The following KCTD14 variants were observed in gnomAD, a reference collection of about 807,000 sequenced individuals.
KCTD14 encodes the protein BTB/POZ domain-containing protein KCTD14.
KCTD14 carries 7 observed loss-of-function variants against 5.9 expected under a neutral mutation model. The observed-to-expected ratio is 1.19, with a 90% CI of 0.68 to 2.23. KCTD14 has a LOEUF of 2.23. Among genes scored for constraint, KCTD14 ranks in the 30% most tolerant of loss-of-function variants. The pLI is 0.00. For missense variants in KCTD14, 342 were observed against 332.2 expected (o/e 1.03, Z -0.23); for synonymous variants, 140 against 133.1 (o/e 1.05, Z -0.36).
In KCTD14 at chr11:78,016,405, C is replaced by A; in HGVS notation, c.*188G>T. ...AAGGAAGTAGCTGCAAGTTGCTAGG[C>A]AAATATAGTGGCATCAGTTGCAATG... On this transcript the variant is annotated 3_prime_UTR_variant, in exon 2 of 2. Transcript: ENST00000353172. The A allele has an allele frequency of 1.3e-5, 8 of 601,982 alleles. No individual in the cohort carries two copies. In the South Asian group the frequency reaches 1.7e-4, roughly 13 times the overall value. The allele number at this position is 601,982 out of a possible 1,614,324, so 37.3% of individuals were successfully genotyped here. A position where few individuals can be genotyped will look rare whatever the true frequency, so the allele number is the denominator to read the frequency against.
exon 2 of KCTD14, chr11:78,038,755 C>G: frequency 6.5e-7 from 1 of 1,535,676 alleles, no homozygotes; most frequent in Non-Finnish European, 8.7e-7. Flanking sequence ...GCCAATGTCA[C>G]CCCCTGAAAC....
intron 1 of KCTD14, among the ~76,000 whole-genome samples, chr11:78,039,938 A>G (rs1228428040): frequency 6.6e-6 from 1 of 151,778 alleles, no homozygotes; most frequent in Non-Finnish European, 1.5e-5. Flanking sequence ...CTCTTTCTCT[A>G]CTATAATAGT....
At chr11:78,035,478 T>C (rs1857762388) in intron 2 of KCTD14, among the ~76,000 whole-genome samples, 1 of 152,078 alleles carries the variant, frequency 6.6e-6, no homozygotes, top group South Asian at 2.1e-4. Flanking sequence ...CCTCACCCTG[T>C]TACTAACCCT....
chr11:78,019,651 T>C (rs895460952), intron 1 of KCTD14, among the ~76,000 whole-genome samples: 8 of 152,194 alleles, frequency 5.3e-5, no homozygotes, highest in African/African-American at 1.9e-4. Flanking sequence ...TTTTTCAAAA[T>C]ATAGGCCCAT....
chr11:78,026,403 A>G (rs1159925282), upstream of KCTD14, among the ~76,000 whole-genome samples: 1 of 152,094 alleles, frequency 6.6e-6, no homozygotes, highest in African/African-American at 2.4e-5. Context: ...AGATCGCACC[A>G]TTACACTCCA....
chr11:78,016,208 C>A lies in KCTD14; in HGVS notation c.*385G>T. Reference sequence around the variant, plus strand: ...TGCCAGGGACAGATGGATTGGACCCCAAGCTGGGGCTATGTAGACTACATC... The same window carrying A: ...TGCCAGGGACAGATGGATTGGACCCAAAGCTGGGGCTATGTAGACTACATC... On this transcript the variant is annotated 3_prime_UTR_variant, in exon 2 of 2. Coordinates refer to ENST00000353172, the MANE Select transcript of KCTD14 (RefSeq NM_023930.4). 1 of 230,844 alleles carries A rather than the reference C, an allele frequency of 4.3e-6. No homozygotes were observed. The allele number at this position is 230,844 out of a possible 1,614,324, so 14.3% of individuals were successfully genotyped here.
upstream of KCTD14, among the ~76,000 whole-genome samples, chr11:78,025,108 GTGTGTGTGTGTA>G (rs1192030613): frequency 1.0e-4 from 7 of 67,552 alleles, no homozygotes; most frequent in East Asian, 5.2e-4. Flanking sequence ...GTGTGTGTGT[GTGTGTGTGTGTA>G]TATATATATA....
intron 2 of KCTD14, among the ~76,000 whole-genome samples, chr11:78,032,896 G>C (rs746916586): frequency 6.6e-6 from 1 of 151,780 alleles, no homozygotes; most frequent in Non-Finnish European, 1.5e-5. Context: ...TGCCCAAGCT[G>C]GTCTCAAACT....
chr11:78,025,657 T>G (rs1316523617), upstream of KCTD14, among the ~76,000 whole-genome samples: 1 of 152,214 alleles, frequency 6.6e-6, no homozygotes, highest in Non-Finnish European at 1.5e-5. Context: ...GATCTCCATT[T>G]TAATTTACTA....
At chr11:78,027,710 C>G (rs1436022340), upstream of KCTD14, among the ~76,000 whole-genome samples, 1 of 152,050 alleles carries the variant, frequency 6.6e-6, no homozygotes, top group East Asian at 1.9e-4. Context: ...CAAGGATTTT[C>G]TGCTTGCCAA....
rs1174087242 is a variant in KCTD14 at position 78,016,652 on chromosome 11, G to A, written c.709C>T (p.Pro237Ser). 8.1e-6 allele frequency: 13 copies of A among 1,614,104 alleles called. No homozygotes were observed. Among genetic ancestry groups the A allele is most frequent in the Non-Finnish European group, 1.1e-5 (13 of 1,180,004 alleles). Residue 237 changes from proline (P) to serine (S), a missense_variant, in exon 2 of 2, where the codon CCC becomes TCC. Pro to Ser is a moderately conservative substitution (Grantham distance 74). Transcript: ENST00000353172. ...KVFSKFYLTY[P>S]TKRNEFHFNI... ...AAATGGAATTCGTTTCTTTTGGTGGGGTACGTCAGGTAGAACTTGGAGAAT... is the reference window on the plus strand; with the variant it reads ...AAATGGAATTCGTTTCTTTTGGTGGAGTACGTCAGGTAGAACTTGGAGAAT...
At position 78,030,163 on chromosome 11, in the gene KCTD14, T is replaced by C. The variant is rs535940302; in HGVS notation, c.-1+8501A>G. Among the ~76,000 whole-genome samples, 8 of 152,238 alleles carry C rather than the reference T, an allele frequency of 5.3e-5. No individual in the cohort carries two copies. In the South Asian group the frequency reaches 1.0e-3, roughly 20 times the overall value. ...CAGGAATATAAAACCTGCTTGCTTC[T>C]TTTTTCCCCCCCTCCAATTGCATGT... On this transcript the variant is annotated intron_variant, in intron 2 of 2. Coordinates refer to the KCTD14 transcript ENST00000533144.
At position 78,038,568 on chromosome 11, in the gene KCTD14, T is replaced by G. The variant is rs998119706; in HGVS notation, c.-1+96A>C. 19 of 1,408,458 alleles carry G rather than the reference T, an allele frequency of 1.3e-5. No individual in the cohort carries two copies. In the African/African-American group the frequency reaches 2.6e-4, roughly 19 times the overall value. 87.2% of individuals were successfully genotyped at this position (1,408,458 alleles called of 1,614,324 possible). On this transcript the variant is annotated intron_variant, in intron 2 of 2. Transcript: ENST00000533144. Reference sequence around the variant, plus strand: ...CCGCTCACTGGCTCCCCAGCCCAAGTGCGTAGGCCCCAGCTGGTTACCCCA... The same window carrying G: ...CCGCTCACTGGCTCCCCAGCCCAAGGGCGTAGGCCCCAGCTGGTTACCCCA...
In KCTD14 at chr11:78,016,741, A is replaced by G. The variant is rs1857174711; in HGVS notation, c.620T>C (p.Val207Ala). The change falls in exon 2 of 2, where the codon GTC becomes GCC. Residue 207 changes from valine to alanine, a missense_variant. Val to Ala is a moderately conservative substitution (Grantham distance 64). Transcript: ENST00000353172. Reference sequence around the variant, plus strand: ...GTGCATGAGGTCGCTGTTGTCTAGGACCGCCTTCCAGGGCCCAAACTTGAC... The same window carrying G: ...GTGCATGAGGTCGCTGTTGTCTAGGGCCGCCTTCCAGGGCCCAAACTTGAC... ...SVVKFGPWKAVLDNSDLMHCL... is the reference protein window; with the variant it reads ...SVVKFGPWKAALDNSDLMHCL... 2.5e-5 allele frequency: 40 copies of G among 1,614,164 alleles called. No homozygotes were observed. In the East Asian group the frequency reaches 8.9e-4, roughly 36 times the overall value.
At chr11:78,018,669 C>T (rs4272811) in intron 1 of KCTD14, among the ~76,000 whole-genome samples, 109,552 of 151,604 alleles carry the variant, frequency 0.72, 40,936 homozygotes, top group Non-Finnish European at 0.81. Flanking sequence ...ATCATGCCAC[C>T]GCACTCCAGC....
intron 2 of KCTD14, among the ~76,000 whole-genome samples, chr11:78,034,966 T>A (rs897830570): frequency 1.3e-5 from 2 of 152,178 alleles, no homozygotes; most frequent in Non-Finnish European, 2.9e-5. Context: ...GAGATTGAAG[T>A]TAACCTACAA....
chr11:78,032,247 C>T (rs1181679719), intron 2 of KCTD14, among the ~76,000 whole-genome samples: 1 of 152,202 alleles, frequency 6.6e-6, no homozygotes, highest in Non-Finnish European at 1.5e-5. Context: ...AGCAGGCAGC[C>T]AGAGCTTCTG....
intron 1 of KCTD14, among the ~76,000 whole-genome samples, chr11:78,039,924 TTC>T (rs1262062432): frequency 1.3e-5 from 2 of 152,186 alleles, no homozygotes; most frequent in Admixed American, 1.3e-4. Context: ...TCTGTATTTT[TTC>T]TCTCTTTCTC....
chr11:78,016,229 A>C lies in KCTD14; in HGVS notation c.*364T>G. 1 of 270,934 alleles carries C rather than the reference A, an allele frequency of 3.7e-6. No individual in the cohort carries two copies. The highest frequency in any genetic ancestry group is 7.1e-6 in the Non-Finnish European group (1 of 141,634). The allele number at this position is 270,934 out of a possible 1,614,324, so 16.8% of individuals were successfully genotyped here. On this transcript the variant is annotated 3_prime_UTR_variant, in exon 2 of 2. Transcript: ENST00000353172. ...ACCCCAAGCTGGGGCTATGTAGACT[A>C]CATCTTTAGGTCAGAACATCTAGAT...
Sources: allele counts gnomAD v4.1 joint callset (sites outside exome capture counted in the v4.1 genomes callset), GRCh38; gene constraint gnomAD v4.1.1; transcripts MANE v1.5; gene names NCBI Gene and HGNC (gene_info 2026-07-23, HGNC 2026-07-21).